Variants in TGM2 observed in about 807,000 individuals in gnomAD.
TGM2 encodes the protein protein-glutamine gamma-glutamyltransferase 2.
In TGM2, 53 loss-of-function variants were observed where a neutral mutation model predicts 75.6. That is an observed-to-expected ratio of 0.70 (90% confidence interval 0.56 to 0.88). TGM2 has a LOEUF of 0.88. Among genes scored for constraint, TGM2 ranks in the 40% least tolerant of loss-of-function variants. The pLI is 0.00. For missense variants in TGM2, 842 were observed against 928.5 expected (o/e 0.91, Z 1.21); for synonymous variants, 374 against 381.1 (o/e 0.98, Z 0.22).
At chr20:38,149,690 A>AAAAAAAAAAAAAAAAAAAAAAAAAAAAAC (rs1457426013) in intron 4 of TGM2, among the ~76,000 whole-genome samples, 1 of 148,898 alleles carries the variant, frequency 6.7e-6, no homozygotes, top group African/African-American at 2.5e-5. Flanking sequence ...AAAAAAAAAA[A>AAAAAAAAAAAAAAAAAAAAAAAAAAAAAC]AAAAAAAAAA....
rs1316535922 is a variant in TGM2 at position 38,131,121 on chromosome 20, G to A, written c.1885C>T (p.Leu629=). Residue 629 remains leucine (L), a synonymous_variant, in exon 12 of 13, where the codon CTG becomes TTG. Transcript: ENST00000361475. The part of the protein sequence containing the change: ...GCTFTVEGAG[L]TEEQKTVEIP... ...TCCACCGTCTTCTGCTCCTCAGTCA[G>A]GCCGGCCCCCTCCACAGTGAAGGTG... 6.2e-7 allele frequency: 1 copy of A among 1,613,302 alleles called. No individual in the cohort carries two copies. The highest frequency in any genetic ancestry group is 8.5e-7 in the Non-Finnish European group (1 of 1,179,994).
chr20:38,166,887 G>C (rs1448356472), upstream of TGM2, among the ~76,000 whole-genome samples: 2 of 152,188 alleles, frequency 1.3e-5, no homozygotes, highest in Non-Finnish European at 2.9e-5. Context: ...TTGGAGGAAA[G>C]AGCAGCGTGA....
chr20:38,134,952 ACT>A (rs2074880430), intron 10 of TGM2, among the ~76,000 whole-genome samples: 2 of 152,194 alleles, frequency 1.3e-5, no homozygotes, highest in African/African-American at 4.8e-5. Flanking sequence ...GACCAGCCTC[ACT>A]TTCCAGCCAG....
Position 38,139,645 on chromosome 20 carries a change from C to A in TGM2, c.1109G>T (p.Cys370Phe). 1 of 1,614,118 alleles carries A rather than the reference C, an allele frequency of 6.2e-7. No homozygotes were observed. The highest frequency in any genetic ancestry group is 8.5e-7 in the Non-Finnish European group (1 of 1,180,022). The change falls in exon 9 of 13, where the codon TGC (cysteine) becomes TTC (phenylalanine). Residue 370 changes from cysteine to phenylalanine, a missense_variant. Coordinates refer to ENST00000361475, the MANE Select transcript of TGM2 (RefSeq NM_004613.4). ...TPQEKSEGTYCCGPVPVRAIK... is the reference protein window; with the variant it reads ...TPQEKSEGTYFCGPVPVRAIK... Reference sequence around the variant, plus strand: ...GGCACGAACTGGAACTGGGCCACAGCAGTACGTCCCTGGCAGAGGTAGAAA... The same window carrying A: ...GGCACGAACTGGAACTGGGCCACAGAAGTACGTCCCTGGCAGAGGTAGAAA...
intron 10 of TGM2, among the ~76,000 whole-genome samples, chr20:38,135,899 G>A (rs1022837310): frequency 2.6e-5 from 4 of 152,126 alleles, no homozygotes; most frequent in South Asian, 4.1e-4. Flanking sequence ...CAGTCCTCAC[G>A]GCTGCGGGCG....
At position 38,138,247 on chromosome 20, in the gene TGM2, T is replaced by A. The variant is rs151245834; in HGVS notation, c.1481A>T (p.His494Leu). 4.1e-5 allele frequency: 66 copies of A among 1,613,762 alleles called. No homozygotes were observed. The highest frequency in any genetic ancestry group is 4.7e-5 in the Non-Finnish European group (55 of 1,179,868). The change falls in exon 10 of 13, where the codon CAC becomes CTC. Residue 494 changes from histidine to leucine, a missense_variant. By Grantham distance (99) the His-to-Leu change is moderately conservative. Transcript: ENST00000361475. The stretch of plus-strand genomic sequence containing the variant: ...CTCCTCAGCGGTGTTGTTGGTGATG[T>A]GGGCAAAGACGTCAAAGTCACTGCC... Reference protein sequence around the residue: ...NMGSDFDVFAHITNNTAEEYV... With the variant: ...NMGSDFDVFALITNNTAEEYV...
chr20:38,165,317 C>T, upstream of TGM2: 1 of 1,502,236 alleles, frequency 6.7e-7, no homozygotes. Flanking sequence ...TTGGGGCGGG[C>T]CGGGGGCGGG....
Position 38,138,330 on chromosome 20 carries a change from G to T in TGM2, c.1398C>A (p.Ala466=). 1 of 1,614,094 alleles carries T rather than the reference G, an allele frequency of 6.2e-7. No individual in the cohort carries two copies. The highest frequency in any genetic ancestry group is 8.5e-7 in the Non-Finnish European group (1 of 1,180,026). ...TGGCCATCCCTGTCTCCTCCTTCTC[G>T]GCCAGTTTGTTCAGGTGGTTCGCCC... The part of the protein sequence containing the change: ...FTRANHLNKL[A]EKEETGMAMR... Residue 466 remains alanine, a synonymous_variant, in exon 10 of 13, where the codon GCC becomes GCA. Coordinates refer to ENST00000361475, the MANE Select transcript of TGM2 (RefSeq NM_004613.4).
chr20:38,141,959 T>C (rs914075598), intron 7 of TGM2, 105 bp downstream of exon 7: 11 of 1,437,938 alleles, frequency 7.6e-6, no homozygotes, highest in Non-Finnish European at 1.1e-5. Context: ...TGCTGAACTT[T>C]TAAGGCCCAA....
chr20:38,144,197 C>T (rs2268907), intron 6 of TGM2, among the ~76,000 whole-genome samples: 2,713 of 152,290 alleles, frequency 0.018, 41 homozygotes, highest in East Asian at 0.06. Flanking sequence ...GCCCCAGCAC[C>T]GTGCACACCT....
intron 6 of TGM2, among the ~76,000 whole-genome samples, chr20:38,142,714 G>A (rs2074991213): frequency 6.6e-6 from 1 of 152,186 alleles, no homozygotes; most frequent in African/African-American, 2.4e-5. Flanking sequence ...ATCTCAAAAT[G>A]AAATAAAGTA....
chr20:38,161,418 A>C lies in TGM2; in HGVS notation c.190+2T>G, dbSNP rs2122971855. 1 of 1,613,888 alleles carries C rather than the reference A, an allele frequency of 6.2e-7. No individual in the cohort carries two copies. Among genetic ancestry groups the C allele is most frequent in the East Asian group, 2.2e-5 (1 of 44,878 alleles). On this transcript the variant is annotated splice_donor_variant, in intron 2 of 12. Coordinates refer to ENST00000361475, the MANE Select transcript of TGM2 (RefSeq NM_004613.4). LOFTEE classifies it high-confidence loss of function. ...TGGTGGAGTGGGGTTGCAGGTACTC[A>C]CCGGTCACGACACTGAAGGTGAGAC... is the stretch of plus-strand genomic sequence containing the variant.
In TGM2 at chr20:38,128,111, G is replaced by A. The variant is rs985239845; in HGVS notation, c.*2108C>T. ...TATCAAGGAAGGTTTCACAGAAGAG[G>A]TGACTTTGGTGTTAAGCATTATAGG... On this transcript the variant is annotated 3_prime_UTR_variant, in exon 13 of 13. Coordinates refer to ENST00000361475, the MANE Select transcript of TGM2 (RefSeq NM_004613.4). 3.3e-5 allele frequency: 5 copies of A among 152,194 alleles called. No homozygotes were observed. Among genetic ancestry groups the A allele is most frequent in the Admixed American group, 6.5e-5 (1 of 15,276 alleles). The allele number at this position is 152,194 out of a possible 1,614,324, so 9.4% of individuals were successfully genotyped here.
chr20:38,149,674 G>C (rs1406861208), intron 4 of TGM2, among the ~76,000 whole-genome samples: 1 of 64,186 alleles, frequency 1.6e-5, no homozygotes, highest in Non-Finnish European at 2.4e-5. Flanking sequence ...GCGAGACTCC[G>C]CCTCAAAAAA....
chr20:38,145,169 G>A (rs990792044), intron 6 of TGM2, among the ~76,000 whole-genome samples: 3 of 152,124 alleles, frequency 2.0e-5, no homozygotes, highest in South Asian at 4.1e-4. Flanking sequence ...AAGGACAGCC[G>A]AGCTGAGAAC....
chr20:38,150,640 T>C (rs1403437367), intron 4 of TGM2, among the ~76,000 whole-genome samples: 3 of 152,192 alleles, frequency 2.0e-5, no homozygotes, highest in Non-Finnish European at 4.4e-5. Flanking sequence ...TTTCAATACA[T>C]GAGCTTTACT....
chr20:38,151,008 G>A lies in TGM2; in HGVS notation c.483C>T (p.Leu161=). The change falls in exon 4 of 13, where the codon CTC becomes CTT. Residue 161 remains leucine, a synonymous_variant. Transcript: ENST00000361475. ...DSEEERQEYV[L]TQQGFIYQGS... Reference sequence around the variant, plus strand: ...CCTGGTAGATAAAGCCCTGCTGGGTGAGGACATACTCCTGCCGCTCCTCTT... The same window carrying A: ...CCTGGTAGATAAAGCCCTGCTGGGTAAGGACATACTCCTGCCGCTCCTCTT... 1 of 1,614,178 alleles carries A rather than the reference G, an allele frequency of 6.2e-7. No individual in the cohort carries two copies. The highest frequency in any genetic ancestry group is 8.5e-7 in the Non-Finnish European group (1 of 1,180,022).
intron 4 of TGM2, among the ~76,000 whole-genome samples, chr20:38,148,909 TC>T (rs1214138381): frequency 6.6e-6 from 1 of 152,078 alleles, no homozygotes; most frequent in Non-Finnish European, 1.5e-5. Context: ...TCTGCTCTTT[TC>T]CCCCCACTTC....
chr20:38,139,696 G>T (rs757419229), intron 8 of TGM2, 42 bp from the exon 9 acceptor site: 13 of 1,612,076 alleles, frequency 8.1e-6, no homozygotes, highest in African/African-American at 5.3e-5. Context: ...CTGGGTGAAG[G>T]TTGGGTGGTG....
Sources: gnomAD v4.1 joint callset for allele counts (sites outside exome capture counted in the v4.1 genomes callset) on GRCh38, gnomAD v4.1.1 for gene constraint, MANE v1.5 for transcripts, NCBI Gene and HGNC (gene_info 2026-07-23, HGNC 2026-07-21) for gene names.